Variants in ADAMTS12 observed in about 807,000 individuals in gnomAD.
ADAMTS12 encodes A disintegrin and metalloproteinase with thrombospondin motifs 12.
A neutral mutation model predicts 167.8 loss-of-function variants in ADAMTS12; 118 were observed. The ratio of observed to expected loss-of-function variants is 0.70; its 90% CI spans 0.61 to 0.82. The LOEUF (loss-of-function observed/expected upper bound fraction) is 0.82, where lower values mean the gene tolerates loss of function less well. Ranked by LOEUF, ADAMTS12 falls within the 40% of genes least tolerant of loss-of-function variation. The pLI, the probability that ADAMTS12 is intolerant of heterozygous loss-of-function variation, is 0.00. For missense variants in ADAMTS12, 1,916 were observed against 1,998.8 expected (o/e 0.96, Z 0.79); for synonymous variants, 704 against 716.9 (o/e 0.98, Z 0.29).
At chr5:33,847,668 G>C (rs1056123671) in intron 2 of ADAMTS12, among the ~76,000 whole-genome samples, 1 of 151,978 alleles carries the variant, frequency 6.6e-6, no homozygotes, top group Non-Finnish European at 1.5e-5. Context: ...TTCAAGGACT[G>C]GATCAAACCC....
intron 3 of ADAMTS12, among the ~76,000 whole-genome samples, chr5:33,711,533 C>T (rs1451506942): frequency 6.6e-6 from 1 of 152,132 alleles, no homozygotes; most frequent in Non-Finnish European, 1.5e-5. Context: ...TGGTGTCCTT[C>T]CAAACTCACT....
At chr5:33,869,097 A>G (rs866165901) in intron 2 of ADAMTS12, among the ~76,000 whole-genome samples, 22 of 152,318 alleles carry the variant, frequency 1.4e-4, no homozygotes, top group African/African-American at 4.1e-4. Flanking sequence ...CTGCTCCATC[A>G]CAGACCCAGA....
At chr5:33,533,298 G>A (rs1277955645) in intron 23 of ADAMTS12, among the ~76,000 whole-genome samples, 1 of 152,126 alleles carries the variant, frequency 6.6e-6, no homozygotes, top group Non-Finnish European at 1.5e-5. Flanking sequence ...CAACATAGAA[G>A]GGATTCTATA....
intron 3 of ADAMTS12, among the ~76,000 whole-genome samples, chr5:33,715,432 G>A (rs1378162969): frequency 1.3e-5 from 2 of 151,900 alleles, no homozygotes; most frequent in South Asian, 2.1e-4. Context: ...ATGGAAATAA[G>A]TTTTTTCTTA....
chr5:33,837,783 A>T (rs1456175989), intron 2 of ADAMTS12, among the ~76,000 whole-genome samples: 1 of 152,234 alleles, frequency 6.6e-6, no homozygotes, highest in Non-Finnish European at 1.5e-5. Flanking sequence ...CTTAGTAAAC[A>T]CTTCTTACAC....
At chr5:33,560,923 G>GAAAAA in intron 20 of ADAMTS12, 104 bp downstream of exon 20, 1 of 1,195,734 alleles carries the variant, frequency 8.4e-7, no homozygotes, top group South Asian at 1.6e-5. Flanking sequence ...TTAAGAAAAA[G>GAAAAA]AAAAAAAAAA....
chr5:33,590,447 G>A (rs1047984182), intron 17 of ADAMTS12, among the ~76,000 whole-genome samples: 1 of 152,130 alleles, frequency 6.6e-6, no homozygotes, highest in Non-Finnish European at 1.5e-5. Flanking sequence ...ATGGATTAAG[G>A]CCACTTGGAA....
chr5:33,872,613 G>C (rs986862876), intron 2 of ADAMTS12, among the ~76,000 whole-genome samples: 1 of 151,464 alleles, frequency 6.6e-6, no homozygotes, highest in South Asian at 2.1e-4. Flanking sequence ...AAACAGAGAC[G>C]CAAAACCCCT....
At chr5:33,540,647 T>A (rs1321517661) in intron 22 of ADAMTS12, among the ~76,000 whole-genome samples, 1 of 152,232 alleles carries the variant, frequency 6.6e-6, no homozygotes, top group Admixed American at 6.5e-5. Flanking sequence ...TCTTCTGCAA[T>A]ATTTGCTGCT....
At chr5:33,623,331 G>T (rs1739421536) in intron 14 of ADAMTS12, among the ~76,000 whole-genome samples, 1 of 152,164 alleles carries the variant, frequency 6.6e-6, no homozygotes, top group Non-Finnish European at 1.5e-5. Context: ...AGAATTAACA[G>T]TCCGATCTCC....
chr5:33,746,213 T>C (rs1744781209), intron 3 of ADAMTS12, among the ~76,000 whole-genome samples: 1 of 152,334 alleles, frequency 6.6e-6, no homozygotes. Context: ...CCAATTCCAA[T>C]AGTACCATCT....
At chr5:33,847,773 G>A (rs1000796993) in intron 2 of ADAMTS12, among the ~76,000 whole-genome samples, 3 of 152,206 alleles carry the variant, frequency 2.0e-5, no homozygotes, top group African/African-American at 7.2e-5. Context: ...CCTTGGAGAG[G>A]CTCAGGTGAA....
intron 2 of ADAMTS12, among the ~76,000 whole-genome samples, chr5:33,855,993 A>G (rs1749388528): frequency 6.6e-6 from 1 of 152,186 alleles, no homozygotes; most frequent in East Asian, 1.9e-4. Context: ...CAGCCTCCCA[A>G]AGTGCTGGGA....
intron 13 of ADAMTS12, among the ~76,000 whole-genome samples, chr5:33,626,097 A>G (rs1046501887): frequency 1.2e-4 from 18 of 152,170 alleles, no homozygotes; most frequent in African/African-American, 4.1e-4. Context: ...CCCAATAGGT[A>G]GTGTGTTTGT....
chr5:33,832,185 A>G (rs1428756019), intron 2 of ADAMTS12, among the ~76,000 whole-genome samples: 3 of 152,214 alleles, frequency 2.0e-5, no homozygotes, highest in Non-Finnish European at 4.4e-5. Context: ...CTGGGATTGT[A>G]TGGGAGGATA....
chr5:33,779,750 T>C (rs1746052349), intron 2 of ADAMTS12, among the ~76,000 whole-genome samples: 1 of 152,144 alleles, frequency 6.6e-6, no homozygotes, highest in African/African-American at 2.4e-5. Flanking sequence ...ATCTCACTTA[T>C]ATGTGGAATC....
At chr5:33,850,062 A>G (rs1331230452) in intron 2 of ADAMTS12, among the ~76,000 whole-genome samples, 1 of 152,178 alleles carries the variant, frequency 6.6e-6, no homozygotes, top group African/African-American at 2.4e-5. Flanking sequence ...CGAAGGGGGA[A>G]AAGCCTAGAT....
chr5:33,881,348 G>A lies in ADAMTS12; in HGVS notation c.260C>T (p.Ser87Leu). Reference sequence around the variant, plus strand: ...AATTCTGTAGTACACCCAGTCCTCTGAGCCATCCAAATCTCTCTTCCTCCT... The same window carrying A: ...AATTCTGTAGTACACCCAGTCCTCTAAGCCATCCAAATCTCTCTTCCTCCT... Reference protein sequence around the residue: ...SSRRKRDLDGSEDWVYYRISH... With the variant: ...SSRRKRDLDGLEDWVYYRISH... The change falls in exon 2 of 24, where the codon TCA becomes TTA. Residue 87 changes from serine (S) to leucine (L), a missense_variant. Ser to Leu is a moderately radical substitution (Grantham distance 145, BLOSUM62 -2). Transcript: ENST00000504830. The A allele has an allele frequency of 1.9e-6, 3 of 1,614,172 alleles. No individual in the cohort carries two copies. The highest frequency in any genetic ancestry group is 1.1e-5 in the South Asian group (1 of 91,086).
chr5:33,810,996 G>A (rs1023420244), intron 2 of ADAMTS12, among the ~76,000 whole-genome samples: 4 of 152,172 alleles, frequency 2.6e-5, no homozygotes, highest in African/African-American at 7.2e-5. Flanking sequence ...TGATGTGGGG[G>A]ATGACGTGTC....
Sources: allele counts gnomAD v4.1 joint callset (sites outside exome capture counted in the v4.1 genomes callset), GRCh38; gene constraint gnomAD v4.1.1; transcripts MANE v1.5; gene names NCBI Gene and HGNC (gene_info 2026-07-23, HGNC 2026-07-21).